Variants in WWOX observed in about 807,000 individuals in gnomAD.
WWOX encodes WW domain containing oxidoreductase, also known as WW domain-containing oxidoreductase.
Under a neutral mutation model 46.2 loss-of-function variants are expected in WWOX, and 69 were observed. That is an observed-to-expected ratio of 1.49 (90% CI 1.23 to 1.82). WWOX has a LOEUF of 1.82. Among genes scored for constraint, WWOX ranks in the 40% most tolerant of loss-of-function variants. The pLI is 0.00. For missense variants in WWOX, 919 were observed against 542.6 expected, an observed-to-expected ratio of 1.69 and a Z score of -6.89; for synonymous variants, 359 against 202.6, an observed-to-expected ratio of 1.77 and a Z score of -6.56.
At chr16:78,720,500 T>C (rs11645548) in intron 8 of WWOX, among the ~76,000 whole-genome samples, 27,607 of 150,994 alleles carry the variant, frequency 0.18, 2,922 homozygotes, top group Non-Finnish European at 0.23. Context: ...ACTTTTCTTC[T>C]GGAAAAAATC....
chr16:78,418,078 T>C (rs1048216924), intron 6 of WWOX, among the ~76,000 whole-genome samples: 1 of 152,168 alleles, frequency 6.6e-6, no homozygotes, highest in African/African-American at 2.4e-5. Flanking sequence ...GAATTAATAC[T>C]GGCCGGGAAC....
intron 5 of WWOX, among the ~76,000 whole-genome samples, chr16:78,211,194 C>T (rs141308174): frequency 1.1e-4 from 17 of 152,166 alleles, no homozygotes; most frequent in African/African-American, 1.7e-4. Context: ...TTAATTCCCA[C>T]GCTGCCAATT....
At chr16:78,762,699 ACAG>A (rs2049824133) in intron 8 of WWOX, among the ~76,000 whole-genome samples, 2 of 152,148 alleles carry the variant, frequency 1.3e-5, no homozygotes, top group Non-Finnish European at 2.9e-5. Context: ...GTGGCTGAGA[ACAG>A]CAGCTCTGAA....
intron 6 of WWOX, 129 bp downstream of exon 6, chr16:78,387,077 A>G (rs994531995): frequency 2.3e-6 from 2 of 882,302 alleles, no homozygotes; most frequent in Non-Finnish European, 3.7e-6. Flanking sequence ...GCTCATTTAT[A>G]TTGGCCCTGT....
At chr16:79,150,789 G>T (rs1394239152) in intron 8 of WWOX, among the ~76,000 whole-genome samples, 1 of 152,146 alleles carries the variant, frequency 6.6e-6, no homozygotes, top group Non-Finnish European at 1.5e-5. Flanking sequence ...CTACAGGCGT[G>T]TGTCACTGCA....
intron 8 of WWOX, among the ~76,000 whole-genome samples, chr16:78,972,850 T>C (rs1208888626): frequency 6.6e-6 from 1 of 152,204 alleles, no homozygotes; most frequent in African/African-American, 2.4e-5. Flanking sequence ...AATAAATCTG[T>C]CCTCTGAACT....
chr16:78,437,729 A>G (rs2083364693), intron 8 of WWOX, among the ~76,000 whole-genome samples: 2 of 152,228 alleles, frequency 1.3e-5, no homozygotes, highest in African/African-American at 4.8e-5. Context: ...AAAAGATGCA[A>G]TATACTTCAA....
At chr16:78,836,541 A>G (rs751568186) in intron 8 of WWOX, among the ~76,000 whole-genome samples, 13 of 152,152 alleles carry the variant, frequency 8.5e-5, no homozygotes, top group Non-Finnish European at 1.3e-4. Flanking sequence ...TAAGTCATCT[A>G]TGTTGTTTGG....
At chr16:79,017,079 C>T (rs192224911) in intron 8 of WWOX, 8 of 152,198 alleles carry the variant, frequency 5.3e-5, no homozygotes, top group East Asian at 1.9e-4. Context: ...TATATTATGT[C>T]CCTCTGTGTT....
chr16:78,552,298 A>G (rs1388949996), intron 8 of WWOX: 1 of 152,076 alleles, frequency 6.6e-6, no homozygotes, highest in African/African-American at 2.4e-5. Context: ...CTGCTTCCAT[A>G]CGGGGTGTTT....
At chr16:78,674,821 C>T (rs2047553268) in intron 8 of WWOX, among the ~76,000 whole-genome samples, 1 of 119,260 alleles carries the variant, frequency 8.4e-6, no homozygotes, top group Non-Finnish European at 1.8e-5. Context: ...TCTGATTTTT[C>T]ATTTTTCATT....
At chr16:78,959,133 G>A (rs553745192) in intron 8 of WWOX, among the ~76,000 whole-genome samples, 14 of 152,240 alleles carry the variant, frequency 9.2e-5, no homozygotes, top group African/African-American at 2.9e-4. Flanking sequence ...CGAACTTACC[G>A]CTAGGTATTT....
At chr16:79,151,180 A>G (rs2050271595) in intron 8 of WWOX, among the ~76,000 whole-genome samples, 1 of 152,210 alleles carries the variant, frequency 6.6e-6, no homozygotes. Flanking sequence ...AGTTAACTGT[A>G]AAAGTGGCAC....
intron 5 of WWOX, among the ~76,000 whole-genome samples, chr16:78,359,735 G>A (rs71396177): frequency 0.023 from 3,496 of 152,326 alleles, 55 homozygotes; most frequent in Non-Finnish European, 0.03. Flanking sequence ...AACGTGATGT[G>A]CATGAGAAGC....
At chr16:78,127,254 A>G (rs369847606) in intron 4 of WWOX, among the ~76,000 whole-genome samples, 6 of 152,230 alleles carry the variant, frequency 3.9e-5, no homozygotes, top group African/African-American at 1.2e-4. Context: ...TCTACTCATC[A>G]TTGCAGGCGT....
chr16:78,892,294 A>T (rs944790625), intron 8 of WWOX: 6 of 151,608 alleles, frequency 4.0e-5, no homozygotes, highest in African/African-American at 1.5e-4. Flanking sequence ...ATGCTAAAAT[A>T]AAAAAAAATG....
chr16:79,156,231 A>C (rs9933164), intron 8 of WWOX, among the ~76,000 whole-genome samples: 1 of 152,054 alleles, frequency 6.6e-6, no homozygotes, highest in African/African-American at 2.4e-5. Context: ...GTACAATTTC[A>C]GCTCACTGCA....
rs190197640 is a variant in WWOX at position 78,408,557 on chromosome 16, G to C, written c.606-16313G>C. Among the ~76,000 whole-genome samples the C allele has an allele frequency of 4.5e-3, 679 of 152,286 alleles. 16 individuals carry two copies. Among genetic ancestry groups the C allele is most frequent in the Admixed American group, 0.04 (612 of 15,294 alleles). On this transcript the variant is annotated intron_variant, in intron 6 of 8. Transcript: ENST00000566780. ...ACCTAGCTGAGCTAAGGAGCAGAAA[G>C]ACTGTATCACAGGGAACTTGTGTAA...
chr16:78,863,500 C>G (rs1055998083), intron 8 of WWOX, among the ~76,000 whole-genome samples: 2 of 152,176 alleles, frequency 1.3e-5, no homozygotes, highest in African/African-American at 4.8e-5. Flanking sequence ...GACCACTGGT[C>G]CCTGCTGATT....
Sources: allele counts gnomAD v4.1 joint callset (sites outside exome capture counted in the v4.1 genomes callset), GRCh38; gene constraint gnomAD v4.1.1; transcripts MANE v1.5; gene names NCBI Gene and HGNC (gene_info 2026-07-23, HGNC 2026-07-21).